FAM220A: variants seen among roughly 807,000 people sequenced by gnomAD.
The protein encoded by FAM220A is protein FAM220A.
For missense variants in FAM220A, 392 were observed against 321.6 expected (o/e 1.22, Z -1.68); for synonymous variants, 141 against 130.7 (o/e 1.08, Z -0.54).
intron 1 of FAM220A, among the ~76,000 whole-genome samples, chr7:6,341,144 A>G (rs188920880): frequency 2.7e-5 from 2 of 74,916 alleles, no homozygotes; most frequent in Admixed American, 2.3e-4. Context: ...ACTCTGTCCC[A>G]AAAAAAAAAA....
intron 1 of FAM220A, among the ~76,000 whole-genome samples, chr7:6,345,806 T>A (rs1365110304): frequency 6.6e-6 from 1 of 152,112 alleles, no homozygotes; most frequent in East Asian, 1.9e-4. Context: ...TCTCGCTGTG[T>A]TTCCCAGGCT....
chr7:6,331,878 T>C (rs765668393), intron 1 of FAM220A, among the ~76,000 whole-genome samples: 10 of 151,318 alleles, frequency 6.6e-5, no homozygotes, highest in Non-Finnish European at 1.3e-4. Flanking sequence ...GTAGCTGGGA[T>C]TACAGGTGCC....
chr7:6,345,420 T>A (rs908330097), intron 1 of FAM220A, among the ~76,000 whole-genome samples: 4 of 152,082 alleles, frequency 2.6e-5, no homozygotes, highest in Admixed American at 2.6e-4. Context: ...CAGCCCTCGA[T>A]CTGATTTGTT....
At position 6,330,623 on chromosome 7, in the gene FAM220A, C is replaced by A; in HGVS notation, c.532G>T (p.Gly178Cys). The A allele has an allele frequency of 1.2e-6, 2 of 1,614,132 alleles. No homozygotes were observed. Among genetic ancestry groups the A allele is most frequent in the Non-Finnish European group, 1.7e-6 (2 of 1,180,038 alleles). ...QDDPPSAFPK[G>C]LGSELEPACL... is the part of the protein sequence containing the mutation. ...GCGGGTTCCAACTCAGAGCCCAGAC[C>A]CTTGGGAAAAGCACTTGGTGGGTCA... Residue 178 changes from glycine (G) to cysteine (C), a missense_variant, in exon 2 of 2, where the codon GGT (glycine) becomes TGT (cysteine). Physicochemically the swap from Gly to Cys is radical, Grantham distance 159. Transcript: ENST00000313324.
intron 1 of FAM220A, among the ~76,000 whole-genome samples, chr7:6,340,516 G>A (rs1781831336): frequency 6.6e-6 from 1 of 152,106 alleles, no homozygotes; most frequent in East Asian, 1.9e-4. Flanking sequence ...GTTGGCTGAA[G>A]GGCAAATACA....
chr7:6,342,815 T>C (rs1781888244), intron 1 of FAM220A, among the ~76,000 whole-genome samples: 1 of 151,950 alleles, frequency 6.6e-6, no homozygotes, highest in Non-Finnish European at 1.5e-5. Flanking sequence ...GGCAGGAGGA[T>C]TAGTTGAGGC....
chr7:6,333,115 C>A (rs1781671587), intron 1 of FAM220A, among the ~76,000 whole-genome samples: 2 of 151,270 alleles, frequency 1.3e-5, no homozygotes, highest in South Asian at 4.2e-4. Flanking sequence ...CGAGATCCCA[C>A]CACTGCACTC....
Position 6,347,892 on chromosome 7 carries a change from A to G in FAM220A, c.-82+681T>C, listed in dbSNP as rs577346421. On this transcript the variant is annotated intron_variant, in intron 1 of 1. Coordinates refer to ENST00000313324, the MANE Select transcript of FAM220A (RefSeq NM_001037163.2). ...AACATAACGAGACCCCTTTATTATT[A>G]TTATTATTATTATTATTATTATTAT... Among the ~76,000 whole-genome samples the G allele has an allele frequency of 1.5e-4, 22 of 142,194 alleles. No individual in the cohort carries two copies. The East Asian group carries it at 4.2e-3, about 27-fold the overall frequency. The allele number at this position is 142,194 out of a possible 152,430, so 93.3% of individuals were successfully genotyped here.
chr7:6,343,397 C>CATATATATAT (rs10529573), intron 1 of FAM220A, among the ~76,000 whole-genome samples: 5 of 86,990 alleles, frequency 5.7e-5, no homozygotes, highest in African/African-American at 4.7e-5. Flanking sequence ...ATAATAATTT[C>CATATATATAT]ATATATATAT....
intron 1 of FAM220A, among the ~76,000 whole-genome samples, chr7:6,335,166 G>A (rs989132454): frequency 4.0e-5 from 6 of 151,888 alleles, no homozygotes; most frequent in East Asian, 1.9e-4. Flanking sequence ...AGGTTCAAGC[G>A]ATTCTCCTGC....
intron 1 of FAM220A, among the ~76,000 whole-genome samples, chr7:6,344,521 C>G (rs1781922243): frequency 6.6e-6 from 1 of 151,952 alleles, no homozygotes; most frequent in Non-Finnish European, 1.5e-5. Flanking sequence ...CTTCTGGCCT[C>G]AAGTGATCCA....
At chr7:6,341,294 T>C (rs1273181150) in intron 1 of FAM220A, among the ~76,000 whole-genome samples, 1 of 151,086 alleles carries the variant, frequency 6.6e-6, no homozygotes, top group African/African-American at 2.4e-5. Flanking sequence ...ATACAAAAAA[T>C]TGGCTGGGCC....
Position 6,348,937 on chromosome 7 carries a change from A to C in FAM220A, c.-446T>G, listed in dbSNP as rs1486361595. ...CGCTCGGAGAAGTGCCTCCGCGAGC[A>C]GCCGCCTGTACCAGCCTGGCCGCGC... On this transcript the variant is annotated 5_prime_UTR_variant, in exon 1 of 2. Transcript: ENST00000313324. 3 of 382,398 alleles carry C rather than the reference A, an allele frequency of 7.8e-6. No homozygotes were observed. The highest frequency in any genetic ancestry group is 1.4e-5 in the Non-Finnish European group (3 of 216,320). 23.7% of individuals were successfully genotyped at this position (382,398 alleles called of 1,614,324 possible).
At position 6,331,036 on chromosome 7, in the gene FAM220A, G is replaced by T; in HGVS notation, c.119C>A (p.Pro40His). ...ATTCATCCAGGAGGGTGCATCTGCAGGCCAAGGGCCCTCCGGCATTCTTTT... is the reference window on the plus strand; with the variant it reads ...ATTCATCCAGGAGGGTGCATCTGCATGCCAAGGGCCCTCCGGCATTCTTTT... ...LKKRMPEGPW[P>H]ADAPSWMNKP... The change falls in exon 2 of 2, where the codon CCT (proline) becomes CAT (histidine). Residue 40 changes from proline to histidine, a missense_variant. Coordinates refer to ENST00000313324, the MANE Select transcript of FAM220A (RefSeq NM_001037163.2). The T allele has an allele frequency of 2.5e-6, 4 of 1,614,018 alleles. No individual in the cohort carries two copies. Among genetic ancestry groups the T allele is most frequent in the Non-Finnish European group, 3.4e-6 (4 of 1,180,032 alleles).
intron 1 of FAM220A, among the ~76,000 whole-genome samples, chr7:6,337,368 C>T (rs796972266): frequency 1.4e-4 from 21 of 152,182 alleles, no homozygotes; most frequent in South Asian, 6.2e-4. Context: ...GTGATCTACC[C>T]GCCTCAGCCT....
Position 6,348,941 on chromosome 7 carries a change from G to T in FAM220A, c.-450C>A. ...CGGAGAAGTGCCTCCGCGAGCAGCC[G>T]CCTGTACCAGCCTGGCCGCGCAGCC... On this transcript the variant is annotated 5_prime_UTR_variant, in exon 1 of 2. Transcript: ENST00000313324. 2 of 380,286 alleles carry T rather than the reference G, an allele frequency of 5.3e-6. No individual in the cohort carries two copies. Among genetic ancestry groups the T allele is most frequent in the Non-Finnish European group, 9.3e-6 (2 of 215,044 alleles). 23.6% of individuals were successfully genotyped at this position (380,286 alleles called of 1,614,324 possible). A position where few individuals can be genotyped will look rare whatever the true frequency, so the allele number is the denominator to read the frequency against.
At chr7:6,346,451 C>T (rs1781952178) in intron 1 of FAM220A, among the ~76,000 whole-genome samples, 1 of 152,174 alleles carries the variant, frequency 6.6e-6, no homozygotes, top group Non-Finnish European at 1.5e-5. Flanking sequence ...ACTGCAACGT[C>T]TGCCTCCCAG....
chr7:6,337,264 T>A (rs1020165353), intron 1 of FAM220A, among the ~76,000 whole-genome samples: 3 of 152,046 alleles, frequency 2.0e-5, no homozygotes. Context: ...TTCTCCCCTT[T>A]GGGACTAGCC....
At position 6,330,345 on chromosome 7, in the gene FAM220A, T is replaced by C. The variant is rs201274764; in HGVS notation, c.*30A>G. 2,697 of 1,568,216 alleles carry C rather than the reference T, an allele frequency of 1.7e-3. 4 individuals are homozygous for C. The highest frequency in any genetic ancestry group is 2.2e-3 in the Non-Finnish European group (2,537 of 1,156,718). ...AATCATTCTAAGACAACTCTTAAAATTAATCTATTGGTATTGTTCTGCTTG... is the reference window on the plus strand; with the variant it reads ...AATCATTCTAAGACAACTCTTAAAACTAATCTATTGGTATTGTTCTGCTTG... On this transcript the variant is annotated 3_prime_UTR_variant, in exon 2 of 2. Coordinates refer to ENST00000313324, the MANE Select transcript of FAM220A (RefSeq NM_001037163.2).
Sources: gnomAD v4.1 joint callset for allele counts (sites outside exome capture counted in the v4.1 genomes callset) on GRCh38, gnomAD v4.1.1 for gene constraint, MANE v1.5 for transcripts, NCBI Gene and HGNC (gene_info 2026-07-23, HGNC 2026-07-21) for gene names.